GRIK1: variants seen among roughly 807,000 people sequenced by gnomAD.
The protein encoded by GRIK1 is glutamate ionotropic receptor kainate type subunit 1, also known as glutamate receptor ionotropic, kainate 1.
A neutral mutation model predicts 105.7 loss-of-function variants in GRIK1; 69 were observed. That is an observed-to-expected ratio of 0.65 (90% CI 0.54 to 0.80). The LOEUF (loss-of-function observed/expected upper bound fraction) is 0.80, where lower values mean the gene tolerates loss of function less well. Among genes scored for constraint, GRIK1 ranks in the 30% least tolerant of loss-of-function variants. The probability of loss-of-function intolerance (pLI) is 0.00; values close to 1 mark genes in which losing one functional copy is unlikely to be tolerated. For missense variants in GRIK1, 1,109 were observed against 1,167.3 expected, an observed-to-expected ratio of 0.95 and a Z score of 0.73; for synonymous variants, 438 against 431.3, an observed-to-expected ratio of 1.02 and a Z score of -0.19.
chr21:29,623,424 A>C (rs2062052766), intron 7 of GRIK1, among the ~76,000 whole-genome samples: 3 of 151,542 alleles, frequency 2.0e-5, no homozygotes, highest in Non-Finnish European at 2.9e-5. Flanking sequence ...AAACCCTGCA[A>C]GACAGGCTTT....
In GRIK1 at chr21:29,654,836, A is replaced by G. The variant is rs2062817535; in HGVS notation, c.754T>C (p.Tyr252His). ...AGGGTTGTGAAAAAGTAGTGATAGT[A>G]CTCGGTCATCATGCCCATGAACAGA... ...QILFMGMMTE[Y>H]YHYFFTTLDL... Residue 252 changes from tyrosine to histidine, a missense_variant, in exon 5 of 18, where the codon TAC (tyrosine) becomes CAC (histidine). Around this residue, in one of 5 missense-constraint regions of GRIK1, gnomAD observed 612 missense variants for 586.0 expected, o/e 1.04. Coordinates refer to ENST00000327783, the MANE Select transcript of GRIK1 (RefSeq NM_001330994.2). The G allele has an allele frequency of 1.3e-6, 2 of 1,588,034 alleles. No individual in the cohort carries two copies. The highest frequency in any genetic ancestry group is 1.7e-6 in the Non-Finnish European group (2 of 1,156,274).
chr21:29,904,620 A>C (rs2070538031), intron 1 of GRIK1, among the ~76,000 whole-genome samples: 1 of 152,196 alleles, frequency 6.6e-6, no homozygotes. Context: ...ATGATTTTAC[A>C]TGTGCTAGTC....
At chr21:29,663,123 G>A (rs2062997617) in intron 4 of GRIK1, among the ~76,000 whole-genome samples, 1 of 152,178 alleles carries the variant, frequency 6.6e-6, no homozygotes, top group African/African-American at 2.4e-5. Flanking sequence ...ATAAAGCATA[G>A]TTATAGTATT....
rs141627545 is a variant in GRIK1 at position 29,716,153 on chromosome 21, A to G, written c.119-22090T>C. On this transcript the variant is annotated intron_variant, in intron 1 of 17. Coordinates refer to ENST00000327783, the MANE Select transcript of GRIK1 (RefSeq NM_001330994.2). Reference sequence around the variant, plus strand: ...TTGCTTCCCCTTCCACCATGATTGTAAGTTTCCTGAGGCCTCCCCAACCAT... The same window carrying G: ...TTGCTTCCCCTTCCACCATGATTGTGAGTTTCCTGAGGCCTCCCCAACCAT... Among the ~76,000 whole-genome samples, 1,211 of 152,276 alleles carry G rather than the reference A, an allele frequency of 8.0e-3. 16 individuals are homozygous for G. Among genetic ancestry groups the G allele is most frequent in the African/African-American group, 0.028 (1,164 of 41,562 alleles).
intron 16 of GRIK1, among the ~76,000 whole-genome samples, chr21:29,554,218 G>A (rs2146124034): frequency 6.6e-6 from 1 of 152,294 alleles, no homozygotes; most frequent in South Asian, 2.1e-4. Context: ...AACTGGCTCT[G>A]TCATTAATAG....
intron 7 of GRIK1, among the ~76,000 whole-genome samples, chr21:29,626,991 G>T (rs1181479088): frequency 6.6e-6 from 1 of 152,082 alleles, no homozygotes; most frequent in Admixed American, 6.6e-5. Context: ...CAAATTCAAA[G>T]GGTAAAAAAT....
chr21:29,618,500 G>A (rs762729237), intron 7 of GRIK1, among the ~76,000 whole-genome samples: 10 of 152,110 alleles, frequency 6.6e-5, no homozygotes, highest in African/African-American at 2.2e-4. Context: ...CCAGCAAGCC[G>A]ACTACTGTAT....
At chr21:29,824,721 C>G (rs1415886646) in intron 1 of GRIK1, among the ~76,000 whole-genome samples, 1 of 151,920 alleles carries the variant, frequency 6.6e-6, no homozygotes, top group Non-Finnish European at 1.5e-5. Flanking sequence ...GGACGAGAAT[C>G]GAGATGGTTC....
intron 1 of GRIK1, among the ~76,000 whole-genome samples, chr21:29,748,617 C>T (rs902183585): frequency 5.3e-5 from 8 of 152,084 alleles, no homozygotes; most frequent in East Asian, 3.9e-4. Flanking sequence ...ATTTGTAATC[C>T]GTACTGAAAT....
chr21:29,659,890 A>T (rs1394181617), intron 4 of GRIK1, among the ~76,000 whole-genome samples: 1 of 152,168 alleles, frequency 6.6e-6, no homozygotes. Flanking sequence ...TGAACCTGGT[A>T]GGCGGAGATT....
chr21:29,705,277 C>T (rs1290047603), intron 1 of GRIK1, among the ~76,000 whole-genome samples: 1 of 152,210 alleles, frequency 6.6e-6, no homozygotes, highest in Non-Finnish European at 1.5e-5. Flanking sequence ...GTATATGTTG[C>T]CCATGAGATC....
chr21:29,685,188 AAAT>A (rs2063466404), intron 3 of GRIK1, among the ~76,000 whole-genome samples: 1 of 152,218 alleles, frequency 6.6e-6, no homozygotes, highest in Non-Finnish European at 1.5e-5. Context: ...AACTATATAA[AAAT>A]AAAACTTTCA....
chr21:29,862,869 C>T (rs1238944993), intron 1 of GRIK1, among the ~76,000 whole-genome samples: 1 of 152,210 alleles, frequency 6.6e-6, no homozygotes, highest in Non-Finnish European at 1.5e-5. Flanking sequence ...CTATGCTAAA[C>T]ACAGAACAAA....
chr21:29,724,640 C>T (rs2064407470), intron 1 of GRIK1, among the ~76,000 whole-genome samples: 1 of 152,160 alleles, frequency 6.6e-6, no homozygotes, highest in African/African-American at 2.4e-5. Flanking sequence ...TTGGAGGCTG[C>T]ATTTGCACAG....
intron 1 of GRIK1, among the ~76,000 whole-genome samples, chr21:29,928,337 A>G (rs1569226048): frequency 6.6e-6 from 1 of 152,184 alleles, no homozygotes; most frequent in South Asian, 2.1e-4. Context: ...CTGAGGGCTG[A>G]GATAGACATG....
intron 1 of GRIK1, among the ~76,000 whole-genome samples, chr21:29,781,712 G>A (rs111232373): frequency 0.045 from 4,381 of 97,234 alleles, 278 homozygotes; most frequent in East Asian, 0.14. Context: ...CGCCCAGGCC[G>A]GACTGCGGAC....
At chr21:29,873,401 C>T (rs60528887) in intron 1 of GRIK1, among the ~76,000 whole-genome samples, 1,588 of 152,312 alleles carry the variant, frequency 0.01, 33 homozygotes, top group African/African-American at 0.037. Flanking sequence ...GGGCTCAGAT[C>T]TCTGCTTTGA....
At chr21:29,858,198 C>T (rs987378617) in intron 1 of GRIK1, among the ~76,000 whole-genome samples, 1 of 152,130 alleles carries the variant, frequency 6.6e-6, no homozygotes, top group Non-Finnish European at 1.5e-5. Context: ...TGTGCCTGGC[C>T]TATTTTTCAA....
intron 1 of GRIK1, among the ~76,000 whole-genome samples, chr21:29,918,382 T>A (rs989041443): frequency 6.6e-6 from 1 of 152,074 alleles, no homozygotes; most frequent in Non-Finnish European, 1.5e-5. Context: ...ACCAATCTCA[T>A]TTTACAGACA....
Sources: allele counts gnomAD v4.1 joint callset (sites outside exome capture counted in the v4.1 genomes callset), GRCh38; gene constraint gnomAD v4.1.1; regional missense constraint gnomAD v4.1.1; transcripts MANE v1.5; gene names NCBI Gene and HGNC (gene_info 2026-07-23, HGNC 2026-07-21).